The following FBN1 variants were observed in gnomAD, a reference collection of about 807,000 sequenced individuals.
The protein encoded by FBN1 is fibrillin 1.
Under a neutral mutation model 365.1 loss-of-function variants are expected in FBN1, and 29 were observed. The ratio of observed to expected loss-of-function variants is 0.08; its 90% CI spans 0.06 to 0.11. The LOEUF (loss-of-function observed/expected upper bound fraction) is 0.11, where lower values mean the gene tolerates loss of function less well. Among genes scored for constraint, FBN1 ranks in the 10% least tolerant of loss-of-function variants. The pLI, the probability that FBN1 is intolerant of heterozygous loss-of-function variation, is 1.00. For synonymous variants in FBN1, 1,210 were observed against 1,270.5 expected, an observed-to-expected ratio of 0.95 and a Z score of 1.01; for missense variants, 2,476 against 3,703.2, an observed-to-expected ratio of 0.67 and a Z score of 8.60.
At chr15:48,564,244 C>T (rs1042805708) in intron 6 of FBN1, among the ~76,000 whole-genome samples, 1 of 152,208 alleles carries the variant, frequency 6.6e-6, no homozygotes, top group African/African-American at 2.4e-5. Context: ...CAGACACCAA[C>T]ACCACCCTGA....
At chr15:48,428,611 C>T in intron 56 of FBN1, 140 bp from the exon 57 acceptor site, 1 of 885,068 alleles carries the variant, frequency 1.1e-6, no homozygotes, top group Non-Finnish European at 1.8e-6. Context: ...TTCCTCCCTT[C>T]CCTCCCTCTC....
At chr15:48,568,708 T>G (rs1248681904) in intron 6 of FBN1, among the ~76,000 whole-genome samples, 1 of 152,074 alleles carries the variant, frequency 6.6e-6, no homozygotes, top group Non-Finnish European at 1.5e-5. Flanking sequence ...GGCTAACTGA[T>G]TTTCAGCAAA....
intron 6 of FBN1, among the ~76,000 whole-genome samples, chr15:48,540,013 G>A (rs531632591): frequency 7.2e-5 from 11 of 152,212 alleles, no homozygotes; most frequent in Non-Finnish European, 1.5e-4. Flanking sequence ...TTCTTTCGAT[G>A]AAGAAAAAGT....
chr15:48,430,594 G>T, intron 56 of FBN1, 77 bp downstream of exon 56: 1 of 1,558,932 alleles, frequency 6.4e-7, no homozygotes, highest in Non-Finnish European at 8.8e-7. Context: ...AGTATCCCAA[G>T]AACTCAGAGC....
At chr15:48,457,324 T>C (rs2043248517) in intron 43 of FBN1, among the ~76,000 whole-genome samples, 1 of 152,186 alleles carries the variant, frequency 6.6e-6, no homozygotes, top group African/African-American at 2.4e-5. Context: ...ACTGTCGCAG[T>C]AGAATGTGTG....
chr15:48,462,940 G>A, intron 42 of FBN1, 142 bp downstream of exon 42: 1 of 817,356 alleles, frequency 1.2e-6, no homozygotes, highest in Non-Finnish European at 2.1e-6. Context: ...AGCACCAACT[G>A]TGAATTTAAA....
chr15:48,446,114 A>T (rs551580541), intron 47 of FBN1, among the ~76,000 whole-genome samples: 1 of 152,288 alleles, frequency 6.6e-6, no homozygotes, highest in African/African-American at 2.4e-5. Context: ...AAATTTATTT[A>T]ATTTACAGCA....
rs1027941014 is a variant in FBN1, at chr15:48,485,964, C to T, written c.3590-468G>A. Among the ~76,000 whole-genome samples the T allele has an allele frequency of 2.0e-5, 3 of 152,154 alleles. No homozygotes were observed. In the South Asian group the frequency reaches 6.2e-4, roughly 31 times the overall value. Reference sequence around the variant, plus strand: ...AAAAAGCATTCTAGGGCAACTGAGTCACTGATTCCTTCAACAAATGTTAAT... The same window carrying T: ...AAAAAGCATTCTAGGGCAACTGAGTTACTGATTCCTTCAACAAATGTTAAT... On this transcript the variant is annotated intron_variant, in intron 29 of 65. Coordinates refer to ENST00000316623, the MANE Select transcript of FBN1 (RefSeq NM_000138.5).
At chr15:48,532,297 T>C (rs1484945902) in intron 8 of FBN1, among the ~76,000 whole-genome samples, 1 of 152,246 alleles carries the variant, frequency 6.6e-6, no homozygotes, top group African/African-American at 2.4e-5. Flanking sequence ...TGAAGCTGAT[T>C]ATATATTCTG....
rs1198216029 is a variant in FBN1, at chr15:48,460,435, A to C, written c.5225-118T>G. ...AAGGTATTTGTCTGTAGTTTGAAGA[A>C]TTTAAAATAAAAAGTAAACCTGAAA... On this transcript the variant is annotated intron_variant, in intron 42 of 65. Coordinates refer to ENST00000316623, the MANE Select transcript of FBN1 (RefSeq NM_000138.5). 5.7e-6 allele frequency: 4 copies of C among 705,624 alleles called. No homozygotes were observed. The East Asian group carries it at 8.1e-5, about 14-fold the overall frequency. The allele number at this position is 705,624 out of a possible 1,614,324, so 43.7% of individuals were successfully genotyped here.
At position 48,408,870 on chromosome 15, in the gene FBN1, T is replaced by A. The variant is rs1001947627; in HGVS notation, c.*2120A>T. 2 of 152,554 alleles carry A rather than the reference T, an allele frequency of 1.3e-5. No individual in the cohort carries two copies. Among genetic ancestry groups the A allele is most frequent in the Non-Finnish European group, 1.5e-5 (1 of 68,050 alleles). 9.5% of individuals were successfully genotyped at this position (152,554 alleles called of 1,614,324 possible). Reference sequence around the variant, plus strand: ...TATAAAGAAAATCCGTTATTGAATATAATGCAGTTCTGGTTAAATTATCAA... The same window carrying A: ...TATAAAGAAAATCCGTTATTGAATAAAATGCAGTTCTGGTTAAATTATCAA... On this transcript the variant is annotated 3_prime_UTR_variant, in exon 66 of 66. Transcript: ENST00000316623.
At chr15:48,579,013 A>G (rs2140683991) in intron 6 of FBN1, among the ~76,000 whole-genome samples, 1 of 148,420 alleles carries the variant, frequency 6.7e-6, no homozygotes, top group African/African-American at 2.6e-5. Context: ...TAATAATAAA[A>G]ATAAAAATAA....
In FBN1 at chr15:48,481,791, T is replaced by C. The variant is rs764932333; in HGVS notation, c.3839-11A>G. 7.5e-6 allele frequency: 12 copies of C among 1,609,764 alleles called. No homozygotes were observed. In the African/African-American group the frequency reaches 1.3e-4, roughly 18 times the overall value. ...CACACTCATTGACATCTGTAAAACATATATACTATTAATATATGTAGCTAT... is the reference window on the plus strand; with the variant it reads ...CACACTCATTGACATCTGTAAAACACATATACTATTAATATATGTAGCTAT... On this transcript the variant is annotated splice_polypyrimidine_tract_variant and intron_variant, in intron 31 of 65. Coordinates refer to ENST00000316623, the MANE Select transcript of FBN1 (RefSeq NM_000138.5).
chr15:48,477,364 G>A (rs2043428659), intron 32 of FBN1, among the ~76,000 whole-genome samples: 2 of 152,182 alleles, frequency 1.3e-5, no homozygotes, highest in Admixed American at 6.5e-5. Flanking sequence ...GGTAATAGGA[G>A]AGAGTAACTC....
chr15:48,426,709 G>A (rs74011803), intron 58 of FBN1, among the ~76,000 whole-genome samples: 2 of 152,076 alleles, frequency 1.3e-5, no homozygotes, highest in African/African-American at 4.8e-5. Flanking sequence ...ACTCTGAAGT[G>A]CAATTTAGCA....
chr15:48,556,191 C>T (rs1279593131), intron 6 of FBN1, among the ~76,000 whole-genome samples: 6 of 152,116 alleles, frequency 3.9e-5, no homozygotes, highest in Non-Finnish European at 7.4e-5. Context: ...CCTCACGAAC[C>T]TCAAAGGTTA....
intron 24 of FBN1, among the ~76,000 whole-genome samples, chr15:48,490,761 G>T (rs1232413650): frequency 1.3e-5 from 2 of 152,322 alleles, no homozygotes; most frequent in African/African-American, 4.8e-5. Context: ...AGAAGAGCTG[G>T]ATTTTGGTCC....
At chr15:48,589,653 G>T (rs1292591837) in intron 6 of FBN1, among the ~76,000 whole-genome samples, 4 of 126,954 alleles carry the variant, frequency 3.2e-5, no homozygotes, top group African/African-American at 1.3e-4. Context: ...TCGCTCTGTC[G>T]CCCAGGCTGG....
At chr15:48,501,633 A>C (rs1467019295) in intron 17 of FBN1, among the ~76,000 whole-genome samples, 1 of 152,200 alleles carries the variant, frequency 6.6e-6, no homozygotes, top group Non-Finnish European at 1.5e-5. Context: ...TTGGAAGTGC[A>C]CTTGGTCCAG....
Sources: gnomAD v4.1 joint callset for allele counts (sites outside exome capture counted in the v4.1 genomes callset) on GRCh38, gnomAD v4.1.1 for gene constraint, MANE v1.5 for transcripts, NCBI Gene and HGNC (gene_info 2026-07-23, HGNC 2026-07-21) for gene names.